The following RBFOX1 variants were observed in gnomAD, a reference collection of about 807,000 sequenced individuals.
RBFOX1 encodes the protein RNA binding protein fox-1 homolog 1.
In RBFOX1, 8 loss-of-function variants were observed where a neutral mutation model predicts 57.7. The observed-to-expected ratio is 0.14, with a 90% CI of 0.08 to 0.25. The LOEUF (loss-of-function observed/expected upper bound fraction) is 0.25, where lower values mean the gene tolerates loss of function less well. Ranked by LOEUF, RBFOX1 falls within the 10% of genes least tolerant of loss-of-function variation. The pLI is 1.00. For missense variants in RBFOX1, 611 were observed against 548.5 expected, an observed-to-expected ratio of 1.11 and a Z score of -1.14; for synonymous variants, 326 against 222.4, an observed-to-expected ratio of 1.47 and a Z score of -4.15.
At chr16:6,852,332 G>C (rs1046831834) in intron 3 of RBFOX1, among the ~76,000 whole-genome samples, 8 of 152,086 alleles carry the variant, frequency 5.3e-5, no homozygotes, top group African/African-American at 1.9e-4. Flanking sequence ...GTTGCGTGTA[G>C]GGCCCTCTGG....
chr16:7,169,651 G>C (rs2080283401), intron 4 of RBFOX1, among the ~76,000 whole-genome samples: 4 of 152,226 alleles, frequency 2.6e-5, no homozygotes. Flanking sequence ...CAGAGTGAAT[G>C]ACAGAACCAA....
At chr16:5,262,579 C>A (rs187762436) in intron 1 of RBFOX1, among the ~76,000 whole-genome samples, 34 of 152,284 alleles carry the variant, frequency 2.2e-4, no homozygotes, top group South Asian at 6.2e-4. Context: ...GCCTCCATAA[C>A]CATGTGAGCC....
At chr16:6,981,215 C>A (rs1175501635) in intron 3 of RBFOX1, among the ~76,000 whole-genome samples, 2 of 151,510 alleles carry the variant, frequency 1.3e-5, no homozygotes, top group South Asian at 2.1e-4. Flanking sequence ...ATTTCATCAC[C>A]CAGGTATTAA....
intron 3 of RBFOX1, among the ~76,000 whole-genome samples, chr16:5,816,308 C>A (rs184064972): frequency 6.6e-6 from 1 of 152,186 alleles, no homozygotes; most frequent in African/African-American, 2.4e-5. Flanking sequence ...TCTCTAACTG[C>A]CAGTACCCGT....
At chr16:5,658,189 G>C (rs2049517656) in intron 3 of RBFOX1, among the ~76,000 whole-genome samples, 2 of 152,164 alleles carry the variant, frequency 1.3e-5, no homozygotes, top group African/African-American at 4.8e-5. Context: ...AAGGCTCGCA[G>C]ACCTGGGCAT....
intron 3 of RBFOX1, among the ~76,000 whole-genome samples, chr16:5,845,834 A>G (rs1197202325): frequency 6.6e-6 from 1 of 152,120 alleles, no homozygotes; most frequent in East Asian, 1.9e-4. Flanking sequence ...TGGTCTATAA[A>G]ATGGGGGACC....
At chr16:5,663,017 G>A (rs1476398883) in intron 3 of RBFOX1, among the ~76,000 whole-genome samples, 1 of 152,180 alleles carries the variant, frequency 6.6e-6, no homozygotes, top group Non-Finnish European at 1.5e-5. Context: ...GCCTCCCAGA[G>A]GGCAGTTGGC....
At chr16:5,692,035 A>T (rs1358602005) in intron 3 of RBFOX1, among the ~76,000 whole-genome samples, 1 of 151,246 alleles carries the variant, frequency 6.6e-6, no homozygotes, top group African/African-American at 2.4e-5. Flanking sequence ...TTTTTTTGCC[A>T]TTCTGTGTAC....
At chr16:6,790,929 G>A (rs1269477471) in intron 3 of RBFOX1, among the ~76,000 whole-genome samples, 3 of 150,346 alleles carry the variant, frequency 2.0e-5, no homozygotes, top group Admixed American at 6.6e-5. Context: ...TTTTTGCAAT[G>A]GGGTCTGACT....
At chr16:7,280,932 C>G (rs1046188133) in intron 4 of RBFOX1, among the ~76,000 whole-genome samples, 3 of 151,008 alleles carry the variant, frequency 2.0e-5, no homozygotes, top group Non-Finnish European at 4.4e-5. Context: ...CCTCTTGAAT[C>G]AATTGCATGT....
intron 4 of RBFOX1, among the ~76,000 whole-genome samples, chr16:7,484,453 T>A (rs7198956): frequency 0.79 from 119,797 of 152,074 alleles, 47,666 homozygotes; most frequent in African/African-American, 0.86. Context: ...TCCACTGGCA[T>A]TGTAGCATTG....
intron 4 of RBFOX1, among the ~76,000 whole-genome samples, chr16:7,057,736 A>C (rs770032957): frequency 6.6e-6 from 1 of 152,138 alleles, no homozygotes; most frequent in South Asian, 2.1e-4. Context: ...TGCCGGGTGC[A>C]GTGACTCACA....
chr16:5,576,161 T>C (rs1049793613), intron 2 of RBFOX1, among the ~76,000 whole-genome samples: 4 of 152,130 alleles, frequency 2.6e-5, no homozygotes, highest in African/African-American at 9.7e-5. Context: ...TGTTTGTATT[T>C]TTTTTAGTAG....
chr16:5,257,889 G>A (rs2062629633), intron 1 of RBFOX1, among the ~76,000 whole-genome samples: 1 of 152,054 alleles, frequency 6.6e-6, no homozygotes, highest in Non-Finnish European at 1.5e-5. Flanking sequence ...TTGTTTGCTT[G>A]TTTCTTTGAG....
rs1392022549 is a variant in RBFOX1 at position 5,318,630 on chromosome 16, G to A, written c.219+78525G>A. ...AAAACAAAACACTTTATCATATGGA[G>A]CCCAGGGTTCCTCCTTGTGGTAGAC... On this transcript the variant is annotated intron_variant, in intron 1 of 2. Transcript: ENST00000585867. Among the ~76,000 whole-genome samples, 4 of 152,258 alleles carry A rather than the reference G, an allele frequency of 2.6e-5. No individual in the cohort carries two copies. In the East Asian group the frequency reaches 5.8e-4, roughly 22 times the overall value.
At chr16:7,187,491 C>T (rs559121012) in intron 4 of RBFOX1, among the ~76,000 whole-genome samples, 6 of 151,286 alleles carry the variant, frequency 4.0e-5, no homozygotes, top group South Asian at 4.2e-4. Context: ...AGATCGAGAC[C>T]ATCCTGGCTA....
At chr16:7,182,823 C>T (rs764426430) in intron 4 of RBFOX1, among the ~76,000 whole-genome samples, 1 of 152,162 alleles carries the variant, frequency 6.6e-6, no homozygotes, top group Non-Finnish European at 1.5e-5. Flanking sequence ...CCTTAATCTC[C>T]ACATTCCTGA....
chr16:6,614,887 T>C (rs1162477362), intron 2 of RBFOX1, among the ~76,000 whole-genome samples: 1 of 152,192 alleles, frequency 6.6e-6, no homozygotes, highest in Admixed American at 6.5e-5. Flanking sequence ...TTTGAAAATG[T>C]TTGCATTTGG....
intron 11 of RBFOX1, among the ~76,000 whole-genome samples, chr16:7,632,635 C>CTGAAAGAGAGTTGGTG (rs1293327703): frequency 1.3e-5 from 2 of 152,172 alleles, no homozygotes; most frequent in Non-Finnish European, 2.9e-5. Context: ...ATATTATTTT[C>CTGAAAGAGAGTTGGTG]TGAAAGAGAG....
Sources: allele counts gnomAD v4.1 joint callset (sites outside exome capture counted in the v4.1 genomes callset), GRCh38; gene constraint gnomAD v4.1.1; transcripts MANE v1.5; gene names NCBI Gene and HGNC (gene_info 2026-07-23, HGNC 2026-07-21).